DOCK3: variants seen among roughly 807,000 people sequenced by gnomAD.
The protein encoded by DOCK3 is dedicator of cytokinesis 3, also known as dedicator of cytokinesis protein 3.
In DOCK3, 60 loss-of-function variants were observed where a neutral mutation model predicts 265.6. That is an observed-to-expected ratio of 0.23 (90% CI 0.18 to 0.28). The LOEUF (loss-of-function observed/expected upper bound fraction) is 0.28. DOCK3 is among the 10% of genes least tolerant of loss of function. The pLI is 1.00. For missense variants in DOCK3, 1,981 were observed against 2,594.3 expected (o/e 0.76, Z 5.14); for synonymous variants, 881 against 938.0 (o/e 0.94, Z 1.11).
chr3:51,177,818 C>G (rs1214212875), intron 12 of DOCK3, among the ~76,000 whole-genome samples: 2 of 151,996 alleles, frequency 1.3e-5, no homozygotes, highest in East Asian at 3.9e-4. Flanking sequence ...TGGTGAAACC[C>G]CCTCTCTACT....
At chr3:50,938,209 T>C (rs1052537495) in intron 5 of DOCK3, among the ~76,000 whole-genome samples, 3 of 151,976 alleles carry the variant, frequency 2.0e-5, no homozygotes, top group East Asian at 1.9e-4. Flanking sequence ...TATAAAATGA[T>C]AGAAGGATCA....
chr3:51,275,540 A>G (rs2080771728), intron 25 of DOCK3, among the ~76,000 whole-genome samples: 1 of 152,178 alleles, frequency 6.6e-6, no homozygotes, highest in Admixed American at 6.5e-5. Flanking sequence ...ATATTCAGGC[A>G]TGAGCACAGG....
At chr3:50,854,708 T>C (rs1278963418) in intron 3 of DOCK3, among the ~76,000 whole-genome samples, 4 of 150,750 alleles carry the variant, frequency 2.7e-5, no homozygotes, top group Non-Finnish European at 5.9e-5. Context: ...AGATTACAGA[T>C]GTGAGTCACT....
chr3:51,329,630 T>C (rs2084385070), intron 32 of DOCK3, among the ~76,000 whole-genome samples: 1 of 152,166 alleles, frequency 6.6e-6, no homozygotes, highest in Admixed American at 6.5e-5. Flanking sequence ...CCTGTTATCC[T>C]GAAGGAAATT....
chr3:51,280,711 A>G (rs902057557), intron 27 of DOCK3, among the ~76,000 whole-genome samples: 1 of 152,178 alleles, frequency 6.6e-6, no homozygotes, highest in Non-Finnish European at 1.5e-5. Flanking sequence ...TTTATCACAG[A>G]TTGCTATACA....
chr3:51,360,134 C>T (rs913292064), intron 46 of DOCK3, among the ~76,000 whole-genome samples: 2 of 152,170 alleles, frequency 1.3e-5, no homozygotes, highest in Non-Finnish European at 2.9e-5. Context: ...TTGGTGCCCA[C>T]CTATTGACAA....
intron 22 of DOCK3, among the ~76,000 whole-genome samples, chr3:51,254,167 T>C (rs2079417585): frequency 6.6e-6 from 1 of 152,240 alleles, no homozygotes; most frequent in East Asian, 1.9e-4. Context: ...TTCCATGTAG[T>C]TGAGCAGTTT....
chr3:51,045,177 A>G (rs1421860755), intron 5 of DOCK3, among the ~76,000 whole-genome samples: 1 of 152,144 alleles, frequency 6.6e-6, no homozygotes, highest in Non-Finnish European at 1.5e-5. Context: ...TGACAGATGC[A>G]TGACTCTTGT....
intron 12 of DOCK3, among the ~76,000 whole-genome samples, chr3:51,186,173 A>G (rs2087590827): frequency 6.6e-6 from 1 of 152,190 alleles, no homozygotes; most frequent in African/African-American, 2.4e-5. Flanking sequence ...GATATGGACA[A>G]TAAGGTCCAG....
chr3:51,227,512 C>T, intron 16 of DOCK3, 67 bp downstream of exon 16: 1 of 1,589,610 alleles, frequency 6.3e-7, no homozygotes, highest in Non-Finnish European at 8.6e-7. Flanking sequence ...CTCTCTTGAA[C>T]AGAATTAAGT....
At chr3:50,704,304 A>T (rs756629623) in intron 1 of DOCK3, among the ~76,000 whole-genome samples, 1 of 151,874 alleles carries the variant, frequency 6.6e-6, no homozygotes, top group Admixed American at 6.6e-5. Context: ...TCTATAGTGC[A>T]GGTTAAGTCT....
chr3:51,003,987 G>T (rs1002686608), intron 5 of DOCK3, among the ~76,000 whole-genome samples: 2 of 152,158 alleles, frequency 1.3e-5, no homozygotes, highest in Admixed American at 1.3e-4. Flanking sequence ...AGGTGGGTGT[G>T]TTAGGCAGCC....
chr3:50,724,189 G>A (rs532923938), intron 1 of DOCK3, among the ~76,000 whole-genome samples: 2 of 152,254 alleles, frequency 1.3e-5, no homozygotes, highest in South Asian at 4.1e-4. Flanking sequence ...AAAAAGTCAG[G>A]AAACAATGGA....
At chr3:50,762,922 T>C (rs1195244663) in intron 1 of DOCK3, among the ~76,000 whole-genome samples, 1 of 152,164 alleles carries the variant, frequency 6.6e-6, no homozygotes, top group Admixed American at 6.5e-5. Context: ...AAAGTTTTTT[T>C]TGAAGGATTA....
At chr3:51,083,157 C>CT (rs927694524) in intron 7 of DOCK3, among the ~76,000 whole-genome samples, 1 of 152,192 alleles carries the variant, frequency 6.6e-6, no homozygotes, top group African/African-American at 2.4e-5. Flanking sequence ...CAACCACAGT[C>CT]TAAGTCACTG....
intron 35 of DOCK3, among the ~76,000 whole-genome samples, chr3:51,337,745 C>T (rs1222481234): frequency 6.6e-6 from 1 of 152,202 alleles, no homozygotes; most frequent in Non-Finnish European, 1.5e-5. Flanking sequence ...TCCTATCTCT[C>T]ACAGGCCATC....
chr3:50,681,194 T>C (rs763614606), intron 1 of DOCK3, among the ~76,000 whole-genome samples: 1 of 152,226 alleles, frequency 6.6e-6, no homozygotes. Context: ...TTTAGAAACA[T>C]TAAGCTAAAT....
intron 5 of DOCK3, among the ~76,000 whole-genome samples, chr3:51,004,130 T>A (rs1294079155): frequency 6.6e-6 from 1 of 152,080 alleles, no homozygotes; most frequent in African/African-American, 2.4e-5. Context: ...TGATGTGGGT[T>A]GTCATCTTTG....
At chr3:50,846,091 G>A (rs149043998) in intron 3 of DOCK3, among the ~76,000 whole-genome samples, 390 of 152,206 alleles carry the variant, frequency 2.6e-3, no homozygotes, top group African/African-American at 8.6e-3. Context: ...TTGCACTATC[G>A]TCTTTTACTA....
Sources: allele counts gnomAD v4.1 joint callset (sites outside exome capture counted in the v4.1 genomes callset), GRCh38; gene constraint gnomAD v4.1.1; transcripts MANE v1.5; gene names NCBI Gene and HGNC (gene_info 2026-07-23, HGNC 2026-07-21).